The following SMTNL2 variants were observed in gnomAD, a reference collection of about 807,000 sequenced individuals.
The protein encoded by SMTNL2 is smoothelin-like protein 2.
Under a neutral mutation model 44.1 loss-of-function variants are expected in SMTNL2, and 43 were observed. The observed-to-expected ratio is 0.98, with a 90% CI of 0.76 to 1.26. SMTNL2 has a LOEUF of 1.26. SMTNL2 is among the 50% of genes most tolerant of loss of function. The pLI is 0.00. For synonymous variants in SMTNL2, 317 were observed against 287.6 expected, an observed-to-expected ratio of 1.10 and a Z score of -1.03; for missense variants, 646 against 670.2, an observed-to-expected ratio of 0.96 and a Z score of 0.40.
intron 7 of SMTNL2, among the ~76,000 whole-genome samples, chr17:4,604,985 G>A (rs1910208866): frequency 6.6e-6 from 1 of 151,350 alleles, no homozygotes; most frequent in South Asian, 2.1e-4. Flanking sequence ...TTCCGATTTT[G>A]TGCTAAGGAA....
Position 4,592,976 on chromosome 17 carries a change from G to A in SMTNL2, c.535G>A (p.Asp179Asn), listed in dbSNP as rs200943030. ...GATTGCCCAAAACTTCTCAGCACCA[G>A]ATCCCCCCAGGCCTCGTCCTGTGAG... ...PEIAQNFSAP[D>N]PPRPRPVSLS... Residue 179 changes from aspartate to asparagine, a missense_variant, in exon 3 of 8, where the codon GAT (aspartate) becomes AAT (asparagine). Transcript: ENST00000389313. The surrounding 1 kb of genome is among the most constrained non-coding windows in gnomAD (Gnocchi z 4.5). The A allele has an allele frequency of 6.2e-7, 1 of 1,613,868 alleles. No individual in the cohort carries two copies. Among genetic ancestry groups the A allele is most frequent in the Admixed American group, 1.7e-5 (1 of 59,996 alleles).
intron 1 of SMTNL2, among the ~76,000 whole-genome samples, chr17:4,587,457 C>G (rs1232005514): frequency 2.0e-5 from 3 of 152,194 alleles, no homozygotes; most frequent in African/African-American, 7.2e-5. Context: ...GTCCTGTGAC[C>G]AGCACGATGT....
At position 4,592,288 on chromosome 17, in the gene SMTNL2, G is replaced by A; in HGVS notation, c.400-73G>A. On this transcript the variant is annotated intron_variant, in intron 1 of 7. Coordinates refer to ENST00000389313, the MANE Select transcript of SMTNL2 (RefSeq NM_001114974.2). The surrounding 1 kb of genome is among the most constrained non-coding windows in gnomAD (Gnocchi z 4.5). The stretch of plus-strand genomic sequence containing the variant: ...TTTTGCCAGAACGGGAGGGGATTTG[G>A]GGGTGGGCAGCTTTTGGGGGTGGGC... 1 of 1,434,988 alleles carries A rather than the reference G, an allele frequency of 7.0e-7. No homozygotes were observed. The highest frequency in any genetic ancestry group is 9.7e-7 in the Non-Finnish European group (1 of 1,026,724). The allele number at this position is 1,434,988 out of a possible 1,614,324, so 88.9% of individuals were successfully genotyped here. A position where few individuals can be genotyped will look rare whatever the true frequency, so the allele number is the denominator to read the frequency against.
intron 7 of SMTNL2, among the ~76,000 whole-genome samples, chr17:4,606,722 T>G (rs916304518): frequency 1.3e-5 from 2 of 151,378 alleles, no homozygotes; most frequent in Non-Finnish European, 2.9e-5. Flanking sequence ...CTGGCCAACA[T>G]GGTGAAACCT....
Position 4,592,319 on chromosome 17 carries a change from G to T in SMTNL2, c.400-42G>T. ...GGCAGCTTTTGGGGGTGGGCAGCTGGCCCTAGCTGATGGGGTCTCGGTGAC... is the reference window on the plus strand; with the variant it reads ...GGCAGCTTTTGGGGGTGGGCAGCTGTCCCTAGCTGATGGGGTCTCGGTGAC... On this transcript the variant is annotated intron_variant, in intron 1 of 7. Transcript: ENST00000389313. This position sits in a 1 kb window ranked among gnomAD's most constrained non-coding sequence, Gnocchi z 4.5. The T allele has an allele frequency of 6.3e-7, 1 of 1,599,500 alleles. No homozygotes were observed.
In SMTNL2 at chr17:4,596,967, T is replaced by C; in HGVS notation, c.1097T>C (p.Leu366Pro). The C allele has an allele frequency of 2.0e-6, 3 of 1,511,876 alleles. No individual in the cohort carries two copies. Among genetic ancestry groups the C allele is most frequent in the Non-Finnish European group, 2.7e-6 (3 of 1,123,486 alleles). The allele number at this position is 1,511,876 out of a possible 1,614,324, so 93.7% of individuals were successfully genotyped here. Residue 366 changes from leucine (L) to proline (P), a missense_variant, in exon 6 of 8, where the codon CTG becomes CCG. Transcript: ENST00000389313. The stretch of plus-strand genomic sequence containing the variant: ...CTCGAGTGGTGCCGCAGCAAGACGC[T>C]GGGCTACCAGGTGAGCCCCGGCTCC... ...ILLEWCRSKTLGYQHVDLQNF... is the reference protein window; with the variant it reads ...ILLEWCRSKTPGYQHVDLQNF...
Position 4,592,841 on chromosome 17 carries a change from C to T in SMTNL2, c.488-88C>T, listed in dbSNP as rs755623003. On this transcript the variant is annotated intron_variant, in intron 2 of 7. Transcript: ENST00000389313. This position sits in a 1 kb window ranked among gnomAD's most constrained non-coding sequence, Gnocchi z 4.5. Reference sequence around the variant, plus strand: ...CTTCCTAGAGGAGGTGGGAGGAGGGCCCAGGGAGGCTAGAGCCCTCCTGGG... The same window carrying T: ...CTTCCTAGAGGAGGTGGGAGGAGGGTCCAGGGAGGCTAGAGCCCTCCTGGG... 519 of 1,521,466 alleles carry T rather than the reference C, an allele frequency of 3.4e-4. No individual in the cohort carries two copies. Among genetic ancestry groups the T allele is most frequent in the Non-Finnish European group, 4.3e-4 (483 of 1,131,262 alleles). The allele number at this position is 1,521,466 out of a possible 1,614,324, so 94.2% of individuals were successfully genotyped here.
Position 4,595,183 on chromosome 17 carries a change from C to CGCA in SMTNL2, c.848_850dup (p.Gln283dup), listed in dbSNP as rs1348056303. The CGCA allele has an allele frequency of 6.2e-7, 1 of 1,613,040 alleles. No individual in the cohort carries two copies. The highest frequency in any genetic ancestry group is 1.3e-5 in the African/African-American group (1 of 74,926). On this transcript the variant is annotated inframe_insertion, in exon 5 of 8. Transcript: ENST00000389313. This position sits in a 1 kb window ranked among gnomAD's most constrained non-coding sequence, Gnocchi z 5.1. ...ACACCACCCCAGTCGCCCGTGTCCC[C>CGCA]GCAGCCGCCAGCCATAACTCAGGTC...
intron 1 of SMTNL2, among the ~76,000 whole-genome samples, chr17:4,587,653 C>T (rs1909396864): frequency 6.6e-6 from 1 of 152,208 alleles, no homozygotes; most frequent in Non-Finnish European, 1.5e-5. Flanking sequence ...GATGGCTGTA[C>T]TACCTGGCAT....
intron 7 of SMTNL2, among the ~76,000 whole-genome samples, chr17:4,604,136 C>T (rs117538197): frequency 0.046 from 6,981 of 152,216 alleles, 228 homozygotes; most frequent in Non-Finnish European, 0.068. Flanking sequence ...TGAGCCACCG[C>T]GCCCGGCCTG....
Position 4,595,062 on chromosome 17 carries a change from C to T in SMTNL2, c.807-83C>T. The T allele has an allele frequency of 1.3e-6, 2 of 1,585,568 alleles. No individual in the cohort carries two copies. The highest frequency in any genetic ancestry group is 1.1e-5 in the South Asian group (1 of 89,950). On this transcript the variant is annotated intron_variant, in intron 4 of 7. Coordinates refer to ENST00000389313, the MANE Select transcript of SMTNL2 (RefSeq NM_001114974.2). The surrounding 1 kb of genome is among the most constrained non-coding windows in gnomAD (Gnocchi z 5.1). ...CACGGTGCAGGCTGCCTTGTCCACA[C>T]TCAGTGCAATGGAGACCTTGGGGCC...
intron 1 of SMTNL2, 115 bp downstream of exon 1, chr17:4,585,119 C>G (rs872980): frequency 0.48 from 569,107 of 1,185,152 alleles, 141,571 homozygotes; most frequent in Admixed American, 0.52. Context: ...GGGCCTTCAC[C>G]GGCCGCTCGG....
Position 4,592,499 on chromosome 17 carries a change from A to G in SMTNL2, c.487+51A>G. Reference sequence around the variant, plus strand: ...GGCTGGGTAGGTTTGGGGGTTAAGTAAGGCCTTGGTCAGGTATCTGTGCCA... The same window carrying G: ...GGCTGGGTAGGTTTGGGGGTTAAGTGAGGCCTTGGTCAGGTATCTGTGCCA... On this transcript the variant is annotated intron_variant, in intron 2 of 7. Transcript: ENST00000389313. The surrounding 1 kb of genome is among the most constrained non-coding windows in gnomAD (Gnocchi z 4.5). 1 of 1,550,964 alleles carries G rather than the reference A, an allele frequency of 6.4e-7. No homozygotes were observed. Among genetic ancestry groups the G allele is most frequent in the Non-Finnish European group, 8.8e-7 (1 of 1,137,618 alleles).
At position 4,595,061 on chromosome 17, in the gene SMTNL2, A is replaced by G. The variant is rs538298372; in HGVS notation, c.807-84A>G. On this transcript the variant is annotated intron_variant, in intron 4 of 7. Coordinates refer to ENST00000389313, the MANE Select transcript of SMTNL2 (RefSeq NM_001114974.2). This position sits in a 1 kb window ranked among gnomAD's most constrained non-coding sequence, Gnocchi z 5.1. ...TCACGGTGCAGGCTGCCTTGTCCAC[A>G]CTCAGTGCAATGGAGACCTTGGGGC... The G allele has an allele frequency of 6.8e-4, 1,070 of 1,584,444 alleles. 2 individuals are homozygous for G. The highest frequency in any genetic ancestry group is 8.5e-4 in the Non-Finnish European group (988 of 1,157,238).
intron 7 of SMTNL2, among the ~76,000 whole-genome samples, chr17:4,605,053 A>T (rs1184167582): frequency 1.3e-5 from 2 of 150,324 alleles, no homozygotes; most frequent in African/African-American, 4.9e-5. Flanking sequence ...TACTGTTTTG[A>T]TCTCACATTC....
chr17:4,601,507 T>C (rs1393040620), intron 7 of SMTNL2, among the ~76,000 whole-genome samples: 4 of 150,700 alleles, frequency 2.7e-5, no homozygotes, highest in African/African-American at 7.3e-5. Flanking sequence ...GAACTTTCTG[T>C]TTGAATGATT....
chr17:4,593,829 T>G lies in SMTNL2; in HGVS notation c.738T>G (p.Asn246Lys). Residue 246 changes from asparagine (N) to lysine (K), a missense_variant, in exon 4 of 8, where the codon AAT becomes AAG. Physicochemically the swap from Asn to Lys is moderately conservative, Grantham distance 94. Transcript: ENST00000389313. ...TPWTPSPSEK[N>K]SSFTWSVPSS... The stretch of plus-strand genomic sequence containing the variant: ...TCCCTCTCTCTTCCACAGAGAAGAA[T>G]TCCTCTTTCACGTGGTCTGTGCCAA... 1 of 1,613,888 alleles carries G rather than the reference T, an allele frequency of 6.2e-7. No individual in the cohort carries two copies. The highest frequency in any genetic ancestry group is 8.5e-7 in the Non-Finnish European group (1 of 1,179,974).
intron 4 of SMTNL2, among the ~76,000 whole-genome samples, chr17:4,594,484 TA>T (rs1336371915): frequency 6.6e-6 from 1 of 151,046 alleles, no homozygotes; most frequent in Non-Finnish European, 1.5e-5. Context: ...AATAAATGAA[TA>T]AAAAACAAAA....
At position 4,600,378 on chromosome 17, in the gene SMTNL2, G is replaced by A. The variant is rs1469111282; in HGVS notation, c.1259+3055G>A. 6.6e-6 allele frequency among the ~76,000 whole-genome samples: 1 copy of A among 152,192 alleles called. No individual in the cohort carries two copies. Among genetic ancestry groups the A allele is most frequent in the Admixed American group, 6.5e-5 (1 of 15,276 alleles). On this transcript the variant is annotated intron_variant, in intron 7 of 7. Transcript: ENST00000389313. This position sits in a 1 kb window ranked among gnomAD's most constrained non-coding sequence, Gnocchi z 4.7. ...AGAAAGGCAGCCTGGGGGCAGGCAG[G>A]GTGGGATGAGAGGAGCCTGGGGTCT...
Sources: allele counts gnomAD v4.1 joint callset (sites outside exome capture counted in the v4.1 genomes callset), GRCh38; gene constraint gnomAD v4.1.1; non-coding constraint Gnocchi (gnomAD v3.1); transcripts MANE v1.5; gene names NCBI Gene and HGNC (gene_info 2026-07-23, HGNC 2026-07-21).